The following SPEG variants were observed in gnomAD, a reference collection of about 807,000 sequenced individuals.
SPEG encodes the protein striated muscle preferentially expressed protein kinase.
In SPEG, 114 loss-of-function variants were observed where a neutral mutation model predicts 300.4. The observed-to-expected ratio is 0.38, with a 90% confidence interval of 0.33 to 0.44. SPEG has a LOEUF of 0.44. Ranked by LOEUF, SPEG falls within the 20% of genes least tolerant of loss-of-function variation. The probability of loss-of-function intolerance (pLI) is 1.00; values close to 1 mark genes in which losing one functional copy is unlikely to be tolerated. For missense variants in SPEG, 4,201 were observed against 4,586.2 expected, an observed-to-expected ratio of 0.92 and a Z score of 2.43; for synonymous variants, 1,964 against 2,018.9, an observed-to-expected ratio of 0.97 and a Z score of 0.73.
At chr2:219,466,837 C>G (rs1219741137) in intron 9 of SPEG, 1 of 1,097,688 alleles carries the variant, frequency 9.1e-7, no homozygotes, top group Non-Finnish European at 1.1e-6. Context: ...TATTTCTTAA[C>G]TCAAATAAAG....
In SPEG at chr2:219,439,327, G is replaced by A. The variant is rs1575030433; in HGVS notation, c.388+3962G>A. ...TTTGATACACGAGTCAGGGGGTTGA[G>A]GGAGACCAAAATTTATGTCCTCCAG... On this transcript the variant is annotated intron_variant, in intron 1 of 40. Transcript: ENST00000312358. The surrounding 1 kb of genome is among the most constrained non-coding windows in gnomAD (Gnocchi z 4.5). Among the ~76,000 whole-genome samples, 4 of 152,162 alleles carry A rather than the reference G, an allele frequency of 2.6e-5. No individual in the cohort carries two copies. The highest frequency in any genetic ancestry group is 7.2e-5 in the African/African-American group (3 of 41,422).
At chr2:219,488,074 G>C in intron 31 of SPEG, 120 bp from the exon 32 acceptor site, 1 of 683,572 alleles carries the variant, frequency 1.5e-6, no homozygotes, top group Admixed American at 2.5e-5. Context: ...ATCTGCCTGG[G>C]AAGAGACAAA....
chr2:219,463,570 C>T (rs1338543389), intron 8 of SPEG, among the ~76,000 whole-genome samples: 1 of 151,598 alleles, frequency 6.6e-6, no homozygotes, highest in Non-Finnish European at 1.5e-5. Flanking sequence ...TGTGCCACCA[C>T]ACCCAGCTAA....
At position 219,488,243 on chromosome 2, in the gene SPEG, G is replaced by C; in HGVS notation, c.7791G>C (p.Glu2597Asp). ...AACTCAAGGACCAGGTGCTGCTGGA[G>C]GGGGAGGCAGCCACCCTGCTCTGCC... The part of the protein sequence containing the change: ...HIKLKDQVLL[E>D]GEAATLLCLP... Residue 2597 changes from glutamate (E) to aspartate (D), a missense_variant, in exon 32 of 41, where the codon GAG becomes GAC. Glu to Asp is a conservative substitution (Grantham distance 45). Transcript: ENST00000312358. The C allele has an allele frequency of 6.2e-7, 1 of 1,613,718 alleles. No individual in the cohort carries two copies. Among genetic ancestry groups the C allele is most frequent in the Non-Finnish European group, 8.5e-7 (1 of 1,179,872 alleles).
At chr2:219,469,528 G>A in intron 13 of SPEG, 149 bp downstream of exon 13, 3 of 668,514 alleles carry the variant, frequency 4.5e-6, no homozygotes, top group South Asian at 1.9e-5. Flanking sequence ...CGGAGGGACT[G>A]TGAGGTCATT....
At chr2:219,468,307 G>A (rs776076448) in intron 10 of SPEG, among the ~76,000 whole-genome samples, 1 of 152,126 alleles carries the variant, frequency 6.6e-6, no homozygotes, top group East Asian at 1.9e-4. Context: ...AGGGGAGGAG[G>A]GGGGAGCTGG....
Position 219,464,858 on chromosome 2 carries a change from C to T in SPEG, c.2881+250C>T, listed in dbSNP as rs1029394104. On this transcript the variant is annotated intron_variant, in intron 9 of 40. Coordinates refer to ENST00000312358, the MANE Select transcript of SPEG (RefSeq NM_005876.5). This position sits in a 1 kb window ranked among gnomAD's most constrained non-coding sequence, Gnocchi z 4.5. ...AACACCACCTTCCCTGTTGCTCCATCACGGAGCCCTGGCGGCAGCCAGAGA... is the reference window on the plus strand; with the variant it reads ...AACACCACCTTCCCTGTTGCTCCATTACGGAGCCCTGGCGGCAGCCAGAGA... 2 of 485,784 alleles carry T rather than the reference C, an allele frequency of 4.1e-6. No individual in the cohort carries two copies. Among genetic ancestry groups the T allele is most frequent in the South Asian group, 2.7e-5 (1 of 36,962 alleles). 30.1% of individuals were successfully genotyped at this position (485,784 alleles called of 1,614,324 possible).
At position 219,444,421 on chromosome 2, in the gene SPEG, G is replaced by A. The variant is rs1689136159; in HGVS notation, c.389-232G>A. Among the ~76,000 whole-genome samples the A allele has an allele frequency of 6.6e-6, 1 of 152,036 alleles. No individual in the cohort carries two copies. Among genetic ancestry groups the A allele is most frequent in the Admixed American group, 6.5e-5 (1 of 15,280 alleles). On this transcript the variant is annotated intron_variant, in intron 1 of 40. Coordinates refer to ENST00000312358, the MANE Select transcript of SPEG (RefSeq NM_005876.5). The surrounding 1 kb of genome is among the most constrained non-coding windows in gnomAD (Gnocchi z 7.8). ...TGGCAGTTTGGAGGGCCCTACGGAG[G>A]TAAACGTGAGTAACCAGGGGCCCAG...
At position 219,473,699 on chromosome 2, in the gene SPEG, G is replaced by A. The variant is rs1406417378; in HGVS notation, c.4272-29G>A. 6.2e-7 allele frequency: 1 copy of A among 1,612,954 alleles called. No homozygotes were observed. Among genetic ancestry groups the A allele is most frequent in the Non-Finnish European group, 8.5e-7 (1 of 1,179,150 alleles). ...GCCGGAATGCCCTGGGGCAAGATCT[G>A]GGTGACCTCCCTGTCATGTGTCCCC... On this transcript the variant is annotated intron_variant, in intron 17 of 40. Transcript: ENST00000312358. The surrounding 1 kb of genome is among the most constrained non-coding windows in gnomAD (Gnocchi z 4.6).
chr2:219,490,400 G>GAA lies in SPEG; in HGVS notation c.8922-8_8922-7insAA, dbSNP rs1693859606. ...CTGAGCCGGTGGTGTCCCTCCCCCC[G>GAA]ACACACAGGGGCCGCTTTGGTGTTG... On this transcript the variant is annotated splice_polypyrimidine_tract_variant and intron_variant, in intron 36 of 40. Coordinates refer to ENST00000312358, the MANE Select transcript of SPEG (RefSeq NM_005876.5). 1.9e-6 allele frequency: 3 copies of GAA among 1,606,182 alleles called. No individual in the cohort carries two copies. The highest frequency in any genetic ancestry group is 2.6e-6 in the Non-Finnish European group (3 of 1,176,116).
chr2:219,475,523 C>T (rs779651038), intron 18 of SPEG, among the ~76,000 whole-genome samples: 2 of 152,162 alleles, frequency 1.3e-5, no homozygotes, highest in Non-Finnish European at 2.9e-5. Context: ...CGCTTCTGGC[C>T]GTGCTGTGAA....
Position 219,481,029 on chromosome 2 carries a change from C to T in SPEG, c.5370-275C>T, listed in dbSNP as rs750760264. The stretch of plus-strand genomic sequence containing the variant: ...GCACATCCCCTTGGCACAGACTCTT[C>T]ACTCATGGAGAGGCCACACTGGAGG... On this transcript the variant is annotated intron_variant, in intron 26 of 40. Coordinates refer to ENST00000312358, the MANE Select transcript of SPEG (RefSeq NM_005876.5). The surrounding 1 kb of genome is among the most constrained non-coding windows in gnomAD (Gnocchi z 5.4). Among the ~76,000 whole-genome samples the T allele has an allele frequency of 6.6e-6, 1 of 152,184 alleles. No homozygotes were observed. The highest frequency in any genetic ancestry group is 2.1e-4 in the South Asian group (1 of 4,822).
Position 219,488,249 on chromosome 2 carries a change from G to A in SPEG, c.7797G>A (p.Glu2599=), listed in dbSNP as rs1693624547. 6.2e-7 allele frequency: 1 copy of A among 1,613,782 alleles called. No homozygotes were observed. Among genetic ancestry groups the A allele is most frequent in the Non-Finnish European group, 8.5e-7 (1 of 1,179,916 alleles). Residue 2599 remains glutamate (E), a synonymous_variant, in exon 32 of 41, where the codon GAG becomes GAA. Coordinates refer to ENST00000312358, the MANE Select transcript of SPEG (RefSeq NM_005876.5). The part of the protein sequence containing the change: ...KLKDQVLLEG[E]AATLLCLPAA... ...AGGACCAGGTGCTGCTGGAGGGGGA[G>A]GCAGCCACCCTGCTCTGCCTGCCAG...
rs759644676 is a variant in SPEG at position 219,484,075 on chromosome 2, G to GC, written c.6618dup (p.Ala2207ArgfsTer116). On this transcript the variant is annotated frameshift_variant, in exon 30 of 41. Coordinates refer to ENST00000312358, the MANE Select transcript of SPEG (RefSeq NM_005876.5). LOFTEE classifies it high-confidence loss of function. ...CCACCACACCTAGTGATGCTCCGCA[G>GC]CCCCCCGCACCCCAGCCTGCCCAAG... The GC allele has an allele frequency of 1.9e-6, 3 of 1,613,552 alleles. No homozygotes were observed.
At position 219,484,027 on chromosome 2, in the gene SPEG, C is replaced by T; in HGVS notation, c.6564C>T (p.Thr2188=). The change falls in exon 30 of 41, where the codon ACC becomes ACT. Residue 2188 remains threonine, a synonymous_variant. Coordinates refer to ENST00000312358, the MANE Select transcript of SPEG (RefSeq NM_005876.5). ...GGCCCAGCGCCCCCAAACCCAGTAC[C>T]CCTAAGTCTGCAGAACCTTCTGCCA... is the stretch of plus-strand genomic sequence containing the variant. ...PARPSAPKPS[T]PKSAEPSATT... is the part of the protein sequence containing the mutation. 1 of 1,613,530 alleles carries T rather than the reference C, an allele frequency of 6.2e-7. No individual in the cohort carries two copies. The highest frequency in any genetic ancestry group is 8.5e-7 in the Non-Finnish European group (1 of 1,179,838).
rs1693169502 is a variant in SPEG at position 219,484,335 on chromosome 2, A to G, written c.6872A>G (p.Glu2291Gly). 6.2e-7 allele frequency: 1 copy of G among 1,604,268 alleles called. No individual in the cohort carries two copies. ...RVASPPPGAP[E>G]KRVPSAGGPP... ...GCCTCCCCACCTCCGGGAGCCCCCGAGAAGCGCGTGCCCTCAGCCGGGGGT... is the reference window on the plus strand; with the variant it reads ...GCCTCCCCACCTCCGGGAGCCCCCGGGAAGCGCGTGCCCTCAGCCGGGGGT... Residue 2291 changes from glutamate (E) to glycine (G), a missense_variant, in exon 30 of 41, where the codon GAG (glutamate) becomes GGG (glycine). Physicochemically the swap from Glu to Gly is moderately conservative, Grantham distance 98. Coordinates refer to ENST00000312358, the MANE Select transcript of SPEG (RefSeq NM_005876.5).
intron 4 of SPEG, 52 bp downstream of exon 4, chr2:219,449,323 T>G: frequency 7.6e-7 from 1 of 1,318,328 alleles, no homozygotes; most frequent in Non-Finnish European, 9.8e-7. Flanking sequence ...TCGGGGGGCG[T>G]TTGTGGAGAG....
In SPEG at chr2:219,489,317, G is replaced by A. The variant is rs1268838347; in HGVS notation, c.8318-19G>A. ...CCTTGCCCCAAGGCACCACGGTGAT[G>A]ATTTTCTCTCTCTCTTAGATTCTTC... On this transcript the variant is annotated intron_variant, in intron 35 of 40. Transcript: ENST00000312358. 3.7e-6 allele frequency: 6 copies of A among 1,613,550 alleles called. No individual in the cohort carries two copies. Among genetic ancestry groups the A allele is most frequent in the Non-Finnish European group, 5.1e-6 (6 of 1,179,848 alleles).
chr2:219,468,533 GC>G, intron 10 of SPEG, 44 bp from the exon 11 acceptor site: 1 of 1,591,972 alleles, frequency 6.3e-7, no homozygotes, highest in Non-Finnish European at 8.5e-7. Context: ...GGATGCCTGG[GC>G]CTCCTTAGCC....
Sources: gnomAD v4.1 joint callset for allele counts (sites outside exome capture counted in the v4.1 genomes callset) on GRCh38, gnomAD v4.1.1 for gene constraint, Gnocchi (gnomAD v3.1) non-coding constraint, MANE v1.5 for transcripts, NCBI Gene and HGNC (gene_info 2026-07-23, HGNC 2026-07-21) for gene names.